The following CCNJL variants were observed in gnomAD, a reference collection of about 807,000 sequenced individuals.
The protein encoded by CCNJL is cyclin-J-like protein.
CCNJL carries 33 observed loss-of-function variants against 33.4 expected under a neutral mutation model. The observed-to-expected ratio is 0.99, with a 90% confidence interval of 0.75 to 1.32. The LOEUF (loss-of-function observed/expected upper bound fraction) is 1.32. CCNJL is among the 40% of genes most tolerant of loss of function. The pLI, the probability that CCNJL is intolerant of heterozygous loss-of-function variation, is 0.00. For synonymous variants in CCNJL, 227 were observed against 220.9 expected (o/e 1.03, Z -0.24); for missense variants, 512 against 499.7 (o/e 1.02, Z -0.23).
chr5:160,259,559 G>C lies in CCNJL; in HGVS notation c.493C>G (p.His165Asp). The change falls in exon 4 of 6, where the codon CAC becomes GAC. Residue 165 changes from histidine (H) to aspartate (D), a missense_variant. Coordinates refer to ENST00000257536, the MANE Select transcript of CCNJL (RefSeq NM_001308173.3). ...LLASVSQKDHHCHTWPTTCPR... is the reference protein window; with the variant it reads ...LLASVSQKDHDCHTWPTTCPR... Reference sequence around the variant, plus strand: ...CAGGTGGTGGGCCAGGTGTGGCAGTGGTGGTCCTTCTGGCTGACGGAGGCC... The same window carrying C: ...CAGGTGGTGGGCCAGGTGTGGCAGTCGTGGTCCTTCTGGCTGACGGAGGCC... 1 of 1,614,152 alleles carries C rather than the reference G, an allele frequency of 6.2e-7. No homozygotes were observed. Among genetic ancestry groups the C allele is most frequent in the East Asian group, 2.2e-5 (1 of 44,876 alleles).
Position 160,311,971 on chromosome 5 carries a change from C to T in CCNJL, c.-48G>A, listed in dbSNP as rs201486216. 128 of 1,581,660 alleles carry T rather than the reference C, an allele frequency of 8.1e-5. No individual in the cohort carries two copies. In the Admixed American group the frequency reaches 2.1e-3, roughly 26 times the overall value. On this transcript the variant is annotated splice_region_variant and 5_prime_UTR_variant, in exon 2 of 6. The change creates a new upstream start codon in the 5' untranslated region. Coordinates refer to ENST00000257536, the MANE Select transcript of CCNJL (RefSeq NM_001308173.3). Reference sequence around the variant, plus strand: ...GAGGCTACCCGGCTCTCAGGGCGCACCCTGCGTGGACACGGGCAACTTCAG... The same window carrying T: ...GAGGCTACCCGGCTCTCAGGGCGCATCCTGCGTGGACACGGGCAACTTCAG...
intron 3 of CCNJL, among the ~76,000 whole-genome samples, chr5:160,264,149 T>C (rs60397178): frequency 0.036 from 5,440 of 152,224 alleles, 318 homozygotes; most frequent in African/African-American, 0.12. Flanking sequence ...CTGGTCGAAA[T>C]CCTGGGCTCA....
At chr5:160,298,679 A>T (rs1028837069) in intron 2 of CCNJL, among the ~76,000 whole-genome samples, 3 of 150,720 alleles carry the variant, frequency 2.0e-5, no homozygotes, top group African/African-American at 7.5e-5. Context: ...GGAGTCAGGG[A>T]CGGCTTCTCT....
chr5:160,284,577 T>C (rs1408098887), intron 2 of CCNJL, among the ~76,000 whole-genome samples: 4 of 152,204 alleles, frequency 2.6e-5, no homozygotes, highest in South Asian at 2.1e-4. Flanking sequence ...GGAGGCCCCA[T>C]TGTCTCTGAG....
intron 1 of CCNJL, among the ~76,000 whole-genome samples, chr5:160,322,698 G>C (rs1310587197): frequency 6.6e-6 from 1 of 151,850 alleles, no homozygotes; most frequent in Non-Finnish European, 1.5e-5. Context: ...ACAAGGTCAG[G>C]AGCTTGAGAC....
intron 3 of CCNJL, among the ~76,000 whole-genome samples, chr5:160,274,402 T>C (rs575020514): frequency 6.6e-5 from 10 of 151,966 alleles, no homozygotes; most frequent in South Asian, 2.1e-4. Context: ...GAGGTTGCAA[T>C]GAGCCAAGAT....
Position 160,265,172 on chromosome 5 carries a change from C to G in CCNJL, c.281-5401G>C, listed in dbSNP as rs576381431. Among the ~76,000 whole-genome samples, 5 of 152,344 alleles carry G rather than the reference C, an allele frequency of 3.3e-5. No homozygotes were observed. In the East Asian group the frequency reaches 5.8e-4, roughly 18 times the overall value. On this transcript the variant is annotated intron_variant, in intron 3 of 5. Transcript: ENST00000257536. ...AGACCGTGTTCTGCACTGTGCCCCA[C>G]GAATGCCCCCAAAAGTCCTTCATGC...
At chr5:160,335,016 A>C (rs1292603202) in intron 1 of CCNJL, among the ~76,000 whole-genome samples, 3 of 152,252 alleles carry the variant, frequency 2.0e-5, no homozygotes, top group Non-Finnish European at 2.9e-5. Flanking sequence ...TAATCCCAGT[A>C]CTTTGGGAGG....
At chr5:160,255,207 G>A (rs1761004257) in intron 5 of CCNJL, 2 of 162,786 alleles carry the variant, frequency 1.2e-5, no homozygotes, top group Non-Finnish European at 2.7e-5. Context: ...CAGCTACTTA[G>A]GAGGCTGAGG....
intron 2 of CCNJL, among the ~76,000 whole-genome samples, chr5:160,281,181 T>C (rs75930474): frequency 0.045 from 6,906 of 152,228 alleles, 252 homozygotes; most frequent in South Asian, 0.18. Context: ...CCTCGAGAGC[T>C]GAGAACTAAA....
At chr5:160,278,837 G>A (rs999658775) in intron 3 of CCNJL, among the ~76,000 whole-genome samples, 1 of 152,188 alleles carries the variant, frequency 6.6e-6, no homozygotes, top group Non-Finnish European at 1.5e-5. Context: ...CTTGAAATAC[G>A]ATGCCCAGTG....
At chr5:160,310,359 G>A (rs775853888) in intron 2 of CCNJL, among the ~76,000 whole-genome samples, 11 of 152,200 alleles carry the variant, frequency 7.2e-5, no homozygotes, top group Non-Finnish European at 2.9e-5. Context: ...GGGAACAGAT[G>A]AAAGCCACAG....
At chr5:160,268,073 CTCTT>C (rs1348068760) in intron 3 of CCNJL, among the ~76,000 whole-genome samples, 5 of 152,208 alleles carry the variant, frequency 3.3e-5, no homozygotes, top group Non-Finnish European at 7.3e-5. Flanking sequence ...AACAGAAACT[CTCTT>C]TGACTTCTTG....
intron 2 of CCNJL, among the ~76,000 whole-genome samples, chr5:160,304,660 T>C (rs1225741538): frequency 2.0e-5 from 3 of 152,032 alleles, no homozygotes; most frequent in Non-Finnish European, 4.4e-5. Context: ...AACACTTTCT[T>C]TTTGGTAGAT....
chr5:160,309,330 A>AT (rs1459280919), intron 2 of CCNJL, among the ~76,000 whole-genome samples: 1 of 152,192 alleles, frequency 6.6e-6, no homozygotes, highest in Admixed American at 6.5e-5. Context: ...CTGGAATCTC[A>AT]TATTTGACAA....
At chr5:160,300,925 G>A (rs1225705830) in intron 2 of CCNJL, among the ~76,000 whole-genome samples, 1 of 152,162 alleles carries the variant, frequency 6.6e-6, no homozygotes, top group Non-Finnish European at 1.5e-5. Context: ...AAGTTGCTGG[G>A]AAGCAGGCAC....
chr5:160,259,354 A>G, intron 4 of CCNJL, 115 bp downstream of exon 4: 1 of 852,902 alleles, frequency 1.2e-6, no homozygotes, highest in Non-Finnish European at 1.8e-6. Flanking sequence ...CTGGGTGCAC[A>G]GGCCCCAGTG....
chr5:160,313,994 C>G (rs1348314939), upstream of CCNJL, among the ~76,000 whole-genome samples: 1 of 152,150 alleles, frequency 6.6e-6, no homozygotes, highest in African/African-American at 2.4e-5. Context: ...ATGGTGAAAC[C>G]CTGTTTCTAC....
intron 1 of CCNJL, among the ~76,000 whole-genome samples, chr5:160,326,173 T>C (rs1175589684): frequency 6.6e-6 from 1 of 152,004 alleles, no homozygotes; most frequent in Non-Finnish European, 1.5e-5. Context: ...CCTAACACAA[T>C]ATGAAAGCCA....
Sources: allele counts gnomAD v4.1 joint callset (sites outside exome capture counted in the v4.1 genomes callset), GRCh38; gene constraint gnomAD v4.1.1; transcripts MANE v1.5; gene names NCBI Gene and HGNC (gene_info 2026-07-23, HGNC 2026-07-21).